The following ZFYVE9 variants were observed in gnomAD, a reference collection of about 807,000 sequenced individuals.
The protein encoded by ZFYVE9 is zinc finger FYVE domain-containing protein 9.
ZFYVE9 carries 43 observed loss-of-function variants against 126.7 expected under a neutral mutation model. That is an observed-to-expected ratio of 0.34 (90% CI 0.27 to 0.44). The LOEUF (loss-of-function observed/expected upper bound fraction) is 0.44, where lower values mean the gene tolerates loss of function less well. ZFYVE9 is among the 20% of genes least tolerant of loss of function. The probability of loss-of-function intolerance (pLI) is 1.00; values close to 1 mark genes in which losing one functional copy is unlikely to be tolerated. For synonymous variants in ZFYVE9, 521 were observed against 597.4 expected (o/e 0.87, Z 1.87); for missense variants, 1,476 against 1,697.0 (o/e 0.87, Z 2.29).
At chr1:52,323,607 T>G (rs1646261907) in intron 13 of ZFYVE9, among the ~76,000 whole-genome samples, 2 of 152,044 alleles carry the variant, frequency 1.3e-5, no homozygotes, top group African/African-American at 4.8e-5. Flanking sequence ...AGACCTCAGC[T>G]CTACAAAATA....
At chr1:52,195,987 TTTCACCA>T (rs1232013873) in intron 1 of ZFYVE9, among the ~76,000 whole-genome samples, 3 of 152,010 alleles carry the variant, frequency 2.0e-5, no homozygotes, top group African/African-American at 7.2e-5. Flanking sequence ...AGAGATGGGG[TTTCACCA>T]TGTTGGCCAG....
chr1:52,285,053 T>C (rs1236600348), intron 10 of ZFYVE9, among the ~76,000 whole-genome samples: 1 of 152,154 alleles, frequency 6.6e-6, no homozygotes, highest in Non-Finnish European at 1.5e-5. Flanking sequence ...ATTTTTTAGA[T>C]AAGGAAAATC....
At chr1:52,259,589 A>G (rs887270057) in intron 4 of ZFYVE9, among the ~76,000 whole-genome samples, 1 of 150,452 alleles carries the variant, frequency 6.6e-6, no homozygotes, top group Non-Finnish European at 1.5e-5. Flanking sequence ...GAAGTTCGAG[A>G]CCAGCCTGGC....
rs530217739 is a variant in ZFYVE9, at chr1:52,151,210, C to T, written c.-143+8807C>T. 2.4e-4 allele frequency among the ~76,000 whole-genome samples: 36 copies of T among 152,118 alleles called. 1 individual carries two copies. The South Asian group carries it at 7.5e-3, about 32-fold the overall frequency. On this transcript the variant is annotated intron_variant, in intron 1 of 18. Coordinates refer to ENST00000287727, the MANE Select transcript of ZFYVE9 (RefSeq NM_004799.4). ...CAGGTTTATGGAGTTTTCCTTGATT[C>T]TTTTACCTTGTATTACTTTTTGTGG...
At chr1:52,162,434 G>T (rs912224781) in intron 1 of ZFYVE9, 2 of 255,362 alleles carry the variant, frequency 7.8e-6, no homozygotes, top group Non-Finnish European at 1.6e-5. Flanking sequence ...CATTGTCTTG[G>T]TAATAGAATA....
At chr1:52,275,887 C>T (rs1342950506) in intron 8 of ZFYVE9, among the ~76,000 whole-genome samples, 1 of 148,668 alleles carries the variant, frequency 6.7e-6, no homozygotes, top group Non-Finnish European at 1.5e-5. Context: ...GTGTAAATTA[C>T]TTACCTTAGC....
At chr1:52,259,651 G>T (rs1645559590) in intron 4 of ZFYVE9, among the ~76,000 whole-genome samples, 1 of 146,630 alleles carries the variant, frequency 6.8e-6, no homozygotes, top group African/African-American at 2.5e-5. Context: ...AAAAAAAATC[G>T]CTGGGCATGG....
chr1:52,212,780 G>A (rs1014978212), intron 1 of ZFYVE9, among the ~76,000 whole-genome samples: 1 of 152,120 alleles, frequency 6.6e-6, no homozygotes, highest in Non-Finnish European at 1.5e-5. Context: ...GTGAACTTAT[G>A]GTTTAGTGTA....
At chr1:52,213,140 A>G (rs1050202861) in intron 1 of ZFYVE9, among the ~76,000 whole-genome samples, 3 of 152,174 alleles carry the variant, frequency 2.0e-5, no homozygotes, top group African/African-American at 7.2e-5. Flanking sequence ...TCTTTATCTG[A>G]GAAGCATATT....
At chr1:52,181,796 G>A (rs967028030) in intron 1 of ZFYVE9, among the ~76,000 whole-genome samples, 1 of 151,846 alleles carries the variant, frequency 6.6e-6, no homozygotes, top group Non-Finnish European at 1.5e-5. Context: ...GAGGTGAGGA[G>A]CGTCTCTGGC....
chr1:52,205,436 C>T (rs1379231148), intron 1 of ZFYVE9, among the ~76,000 whole-genome samples: 1 of 151,912 alleles, frequency 6.6e-6, no homozygotes, highest in Non-Finnish European at 1.5e-5. Flanking sequence ...GCAGTGGTAA[C>T]TCACTATAAC....
intron 2 of ZFYVE9, among the ~76,000 whole-genome samples, chr1:52,232,886 A>T (rs1012382931): frequency 1.3e-5 from 2 of 152,074 alleles, no homozygotes; most frequent in Non-Finnish European, 2.9e-5. Flanking sequence ...ACACAATTTT[A>T]TACCAAACAA....
intron 1 of ZFYVE9, among the ~76,000 whole-genome samples, chr1:52,168,253 G>T (rs548763951): frequency 1.2e-4 from 14 of 116,370 alleles, no homozygotes; most frequent in Non-Finnish European, 1.9e-4. Context: ...GTCTCGCTCT[G>T]TCATCCAGGC....
At chr1:52,261,620 A>G (rs1645581140) in intron 4 of ZFYVE9, among the ~76,000 whole-genome samples, 1 of 152,210 alleles carries the variant, frequency 6.6e-6, no homozygotes, top group Non-Finnish European at 1.5e-5. Flanking sequence ...AAGGATTTTA[A>G]GAAATTTAAC....
intron 1 of ZFYVE9, among the ~76,000 whole-genome samples, chr1:52,153,846 G>C (rs1389281301): frequency 6.6e-6 from 1 of 152,204 alleles, no homozygotes; most frequent in African/African-American, 2.4e-5. Context: ...ATGATGGCGA[G>C]TAGGGGCTAT....
intron 1 of ZFYVE9, among the ~76,000 whole-genome samples, chr1:52,194,843 A>C (rs1316500249): frequency 2.0e-5 from 3 of 152,162 alleles, no homozygotes; most frequent in Non-Finnish European, 4.4e-5. Context: ...ATAAGAGCTA[A>C]ATTGTAGTAT....
At chr1:52,203,315 GGGATTACAGGCTTGC>G (rs1169350947) in intron 1 of ZFYVE9, among the ~76,000 whole-genome samples, 2 of 151,872 alleles carry the variant, frequency 1.3e-5, no homozygotes, top group Admixed American at 1.3e-4. Flanking sequence ...CCAAGTAGCT[GGGATTACAGGCTTGC>G]GCCACTACCG....
chr1:52,168,171 T>C (rs1395723503), intron 1 of ZFYVE9, among the ~76,000 whole-genome samples: 1 of 147,634 alleles, frequency 6.8e-6, no homozygotes, highest in Non-Finnish European at 1.5e-5. Flanking sequence ...ATTAAGTTTG[T>C]GTTACAGATT....
intron 1 of ZFYVE9, among the ~76,000 whole-genome samples, chr1:52,184,002 C>A (rs1227571225): frequency 6.6e-6 from 1 of 150,660 alleles, no homozygotes. Flanking sequence ...CCAAGCTTTT[C>A]TTTTTATAAA....
Sources: allele counts gnomAD v4.1 joint callset (sites outside exome capture counted in the v4.1 genomes callset), GRCh38; gene constraint gnomAD v4.1.1; transcripts MANE v1.5; gene names NCBI Gene and HGNC (gene_info 2026-07-23, HGNC 2026-07-21).